The following SCYL2 variants were observed in gnomAD, a reference collection of about 807,000 sequenced individuals.
The protein encoded by SCYL2 is SCY1-like protein 2.
Under a neutral mutation model 100.4 loss-of-function variants are expected in SCYL2, and 36 were observed. That is an observed-to-expected ratio of 0.36 (90% CI 0.27 to 0.47). The LOEUF is 0.47. SCYL2 is among the 20% of genes least tolerant of loss of function. SCYL2 has a pLI of 1.00. For missense variants in SCYL2, 902 were observed against 1,083.9 expected (o/e 0.83, Z 2.36); for synonymous variants, 330 against 359.2 (o/e 0.92, Z 0.92).
At chr12:100,296,786 A>G (rs888462141) in intron 3 of SCYL2, 7 of 151,988 alleles carry the variant, frequency 4.6e-5, no homozygotes, top group Admixed American at 2.0e-4. Flanking sequence ...AGCATGCCTT[A>G]TGGTCCAATG....
At chr12:100,273,316 T>C (rs1457301893) in intron 1 of SCYL2, among the ~76,000 whole-genome samples, 2 of 152,206 alleles carry the variant, frequency 1.3e-5, no homozygotes, top group East Asian at 3.8e-4. Flanking sequence ...ATTACTGTTT[T>C]TGGGAAACAT....
chr12:100,324,074 A>G (rs1379203615), intron 11 of SCYL2, among the ~76,000 whole-genome samples: 1 of 152,180 alleles, frequency 6.6e-6, no homozygotes, highest in African/African-American at 2.4e-5. Context: ...TTAAAAAAGT[A>G]GAGTACAAGA....
intron 17 of SCYL2, among the ~76,000 whole-genome samples, chr12:100,338,052 A>C (rs11612428): frequency 0.032 from 4,874 of 152,246 alleles, 97 homozygotes; most frequent in African/African-American, 0.057. Flanking sequence ...AGCTTTCTTT[A>C]AACTATTTTT....
At chr12:100,272,084 G>A (rs1208236595) in intron 1 of SCYL2, among the ~76,000 whole-genome samples, 1 of 152,142 alleles carries the variant, frequency 6.6e-6, no homozygotes, top group East Asian at 1.9e-4. Context: ...GGCTGAGCTA[G>A]ATGGTAGAGA....
At chr12:100,289,270 C>T (rs2096307844) in intron 2 of SCYL2, among the ~76,000 whole-genome samples, 1 of 152,156 alleles carries the variant, frequency 6.6e-6, no homozygotes, top group African/African-American at 2.4e-5. Context: ...AGACATGCAT[C>T]GTGTTTTGCT....
intron 2 of SCYL2, among the ~76,000 whole-genome samples, chr12:100,289,175 G>A (rs998297329): frequency 2.0e-5 from 3 of 152,120 alleles, no homozygotes; most frequent in Admixed American, 6.5e-5. Flanking sequence ...CCTGTGCCTC[G>A]TAATGATCAG....
chr12:100,309,106 TTGTGTG>T lies in SCYL2; in HGVS notation c.481-1915_481-1910del, dbSNP rs143410251. ...TCACCTGATTTTTGGGTATTTTGAT[TTGTGTG>T]TGTGTGTGTGTGTGTGTGTGTGCGC... On this transcript the variant is annotated intron_variant, in intron 4 of 17. Coordinates refer to ENST00000360820, the MANE Select transcript of SCYL2 (RefSeq NM_017988.6). 2.4e-3 allele frequency among the ~76,000 whole-genome samples: 354 copies of T among 148,166 alleles called. 5 individuals are homozygous for T. In the East Asian group the frequency reaches 0.037, roughly 16 times the overall value.
chr12:100,306,853 GACAA>G (rs201191797), intron 4 of SCYL2, among the ~76,000 whole-genome samples: 3,757 of 152,142 alleles, frequency 0.025, 149 homozygotes, highest in African/African-American at 0.085. Flanking sequence ...AGCAATAACA[GACAA>G]ACAGAGAGCC....
chr12:100,317,696 A>G, intron 9 of SCYL2, 107 bp from the exon 10 acceptor site: 1 of 1,429,018 alleles, frequency 7.0e-7, no homozygotes, highest in South Asian at 1.6e-5. Context: ...CAACATGGTG[A>G]GTGTCAAAAT....
chr12:100,312,647 G>C lies in SCYL2; in HGVS notation c.846G>C (p.Leu282Phe). The C allele has an allele frequency of 1.9e-6, 3 of 1,606,956 alleles. No homozygotes were observed. The highest frequency in any genetic ancestry group is 2.6e-6 in the Non-Finnish European group (3 of 1,175,648). Residue 282 changes from leucine (L) to phenylalanine (F), a missense_variant, in exon 6 of 18, where the codon TTG (leucine) becomes TTC (phenylalanine). Coordinates refer to ENST00000360820, the MANE Select transcript of SCYL2 (RefSeq NM_017988.6). ...QDIYKSFSRQLDQLSRLGSSS... is the reference protein window; with the variant it reads ...QDIYKSFSRQFDQLSRLGSSS... ...TTTACAAGAGTTTCAGTAGGCAGTT[G>C]GATCAGGTATTTGCCTATAAATAAT...
rs1436904483 is a variant in SCYL2, at chr12:100,326,514, A to T, written c.1510-108A>T. The T allele has an allele frequency of 6.7e-6, 5 of 740,934 alleles. No homozygotes were observed. In the East Asian group the frequency reaches 1.5e-4, roughly 22 times the overall value. The allele number at this position is 740,934 out of a possible 1,614,324, so 45.9% of individuals were successfully genotyped here. ...GATGAGAGCTTCTAAATCTACATTTATTCTTGAGACTTTAACATATTTATA... is the reference window on the plus strand; with the variant it reads ...GATGAGAGCTTCTAAATCTACATTTTTTCTTGAGACTTTAACATATTTATA... On this transcript the variant is annotated intron_variant, in intron 11 of 17. Coordinates refer to ENST00000360820, the MANE Select transcript of SCYL2 (RefSeq NM_017988.6).
At position 100,337,430 on chromosome 12, in the gene SCYL2, A is replaced by T. The variant is rs766994461; in HGVS notation, c.2069A>T (p.Gln690Leu). 6.2e-7 allele frequency: 1 copy of T among 1,607,562 alleles called. No homozygotes were observed. Among genetic ancestry groups the T allele is most frequent in the Non-Finnish European group, 8.5e-7 (1 of 1,178,538 alleles). Residue 690 changes from glutamine (Q) to leucine (L), a missense_variant, in exon 17 of 18, where the codon CAA (glutamine) becomes CTA (leucine). Gln to Leu is a moderately radical substitution (Grantham distance 113). Transcript: ENST00000360820. ...LEEKQKLAKEQEQAQKLKSQQ... is the reference protein window; with the variant it reads ...LEEKQKLAKELEQAQKLKSQQ... ...GAAAAACAAAAATTAGCAAAAGAAC[A>T]AGAGCAGGCACAGAAGCTGAAAAGC...
rs28688915 is a variant in SCYL2, at chr12:100,315,536, A to T, written c.1096-22A>T. ...CTTTAATAAATTTTATTTTTTTTTTAAAAAACATTTTTGCCTTTCAGCGTG... is the reference window on the plus strand; with the variant it reads ...CTTTAATAAATTTTATTTTTTTTTTTAAAAACATTTTTGCCTTTCAGCGTG... On this transcript the variant is annotated intron_variant, in intron 8 of 17. Coordinates refer to ENST00000360820, the MANE Select transcript of SCYL2 (RefSeq NM_017988.6). The T allele has an allele frequency of 3.4e-3, 5,204 of 1,547,630 alleles. 124 individuals are homozygous for T. The African/African-American group carries it at 0.056, about 17-fold the overall frequency.
Position 100,312,559 on chromosome 12 carries a change from G to C in SCYL2, c.758G>C (p.Gly253Ala). The change falls in exon 6 of 18, where the codon GGA (glycine) becomes GCA (alanine). Residue 253 changes from glycine (G) to alanine (A), a missense_variant. Physicochemically the swap from Gly to Ala is moderately conservative, Grantham distance 60 (BLOSUM62 0). Transcript: ENST00000360820. ...ACAGCCAGTGATATGTATTCTTTAGGAACTGTTATGTATGCTGTATTTAAT... is the reference window on the plus strand; with the variant it reads ...ACAGCCAGTGATATGTATTCTTTAGCAACTGTTATGTATGCTGTATTTAAT... ...CETASDMYSL[G>A]TVMYAVFNKG... The C allele has an allele frequency of 6.2e-7, 1 of 1,612,764 alleles. No homozygotes were observed. Among genetic ancestry groups the C allele is most frequent in the Non-Finnish European group, 8.5e-7 (1 of 1,178,922 alleles).
chr12:100,282,032 T>C (rs1186913885), intron 1 of SCYL2, among the ~76,000 whole-genome samples: 1 of 152,050 alleles, frequency 6.6e-6, no homozygotes, highest in Non-Finnish European at 1.5e-5. Context: ...TTGTTGTTGT[T>C]TTTGAGACAG....
chr12:100,336,064 C>T (rs538204201), intron 16 of SCYL2, among the ~76,000 whole-genome samples, 158 bp downstream of exon 16: 104 of 152,206 alleles, frequency 6.8e-4, no homozygotes, highest in Non-Finnish European at 1.0e-3. Flanking sequence ...TGACCCTAAC[C>T]CATTTTGAGA....
intron 3 of SCYL2, among the ~76,000 whole-genome samples, chr12:100,294,638 G>A (rs1235036739): frequency 1.4e-5 from 2 of 140,134 alleles, no homozygotes; most frequent in Non-Finnish European, 3.1e-5. Flanking sequence ...CTTCCCAGTA[G>A]GGGTGGCTGG....
intron 13 of SCYL2, among the ~76,000 whole-genome samples, chr12:100,329,641 A>G (rs1180002896): frequency 6.6e-6 from 1 of 152,230 alleles, no homozygotes; most frequent in Non-Finnish European, 1.5e-5. Context: ...CTACAGAACA[A>G]ATCACCACAA....
At chr12:100,319,154 TTGTC>T (rs2096352795) in intron 10 of SCYL2, 3 of 452,516 alleles carry the variant, frequency 6.6e-6, no homozygotes, top group South Asian at 3.1e-5. Context: ...AATTCAGTCT[TTGTC>T]TGCTAAGTTA....
Sources: allele counts gnomAD v4.1 joint callset (sites outside exome capture counted in the v4.1 genomes callset), GRCh38; gene constraint gnomAD v4.1.1; transcripts MANE v1.5; gene names NCBI Gene and HGNC (gene_info 2026-07-23, HGNC 2026-07-21).